The following PTPRM variants were observed in gnomAD, a reference collection of about 807,000 sequenced individuals.
PTPRM encodes protein tyrosine phosphatase receptor type M, also known as receptor-type tyrosine-protein phosphatase mu.
Under a neutral mutation model 186.7 loss-of-function variants are expected in PTPRM, and 47 were observed. That is an observed-to-expected ratio of 0.25 (90% CI 0.20 to 0.32). The LOEUF is 0.32. Ranked by LOEUF, PTPRM falls within the 10% of genes least tolerant of loss-of-function variation. The probability of loss-of-function intolerance (pLI) is 1.00; values close to 1 mark genes in which losing one functional copy is unlikely to be tolerated. For synonymous variants in PTPRM, 668 were observed against 674.9 expected, an observed-to-expected ratio of 0.99 and a Z score of 0.16; for missense variants, 1,494 against 1,865.0, an observed-to-expected ratio of 0.80 and a Z score of 3.66.
At chr18:8,355,600 C>A (rs953854646) in intron 23 of PTPRM, among the ~76,000 whole-genome samples, 1 of 152,120 alleles carries the variant, frequency 6.6e-6, no homozygotes, top group African/African-American at 2.4e-5. Flanking sequence ...ACTGCAGAGA[C>A]AGAGTGGATC....
chr18:8,064,497 C>G (rs1009868216), intron 7 of PTPRM, among the ~76,000 whole-genome samples: 2 of 151,958 alleles, frequency 1.3e-5, no homozygotes, highest in Non-Finnish European at 2.9e-5. Context: ...AGATTGTTTC[C>G]AAGGGCATTT....
chr18:7,677,674 C>G (rs189305779), intron 1 of PTPRM, among the ~76,000 whole-genome samples: 1 of 152,246 alleles, frequency 6.6e-6, no homozygotes, highest in African/African-American at 2.4e-5. Flanking sequence ...TGCAACTTCC[C>G]TCCTACTCAC....
rs182949352 is a variant in PTPRM at position 8,307,625 on chromosome 18, G to A, written c.2843-7156G>A. 5.4e-3 allele frequency among the ~76,000 whole-genome samples: 822 copies of A among 152,168 alleles called. 7 individuals carry two copies. The highest frequency in any genetic ancestry group is 0.019 in the African/African-American group (768 of 41,508). ...TTCAGACCAGCCTGGCCAACATGGT[G>A]AAACCCCGTCTCTACTGAAAATACA... On this transcript the variant is annotated intron_variant, in intron 20 of 32. Coordinates refer to ENST00000580170, the MANE Select transcript of PTPRM (RefSeq NM_001105244.2).
At position 8,172,702 on chromosome 18, in the gene PTPRM, A is replaced by G. The variant is rs541682034; in HGVS notation, c.2300+28923A>G. ...GAATGTTAATGTAAACACAAGAAAAAAAAAAAAGAAAAAAAAAACTTCTGC... is the reference window on the plus strand; with the variant it reads ...GAATGTTAATGTAAACACAAGAAAAGAAAAAAAGAAAAAAAAAACTTCTGC... On this transcript the variant is annotated intron_variant, in intron 14 of 32. Transcript: ENST00000580170. Among the ~76,000 whole-genome samples, 32 of 152,218 alleles carry G rather than the reference A, an allele frequency of 2.1e-4. No homozygotes were observed. The South Asian group carries it at 6.4e-3, about 31-fold the overall frequency.
intron 19 of PTPRM, among the ~76,000 whole-genome samples, chr18:8,271,784 T>C (rs1365628855): frequency 6.6e-6 from 1 of 152,186 alleles, no homozygotes; most frequent in Non-Finnish European, 1.5e-5. Flanking sequence ...TCTTAATATA[T>C]TCTTATCTTT....
chr18:7,614,349 A>T (rs2037751378), intron 1 of PTPRM, among the ~76,000 whole-genome samples: 3 of 152,206 alleles, frequency 2.0e-5, no homozygotes, highest in African/African-American at 7.2e-5. Context: ...ACTGAAAAAG[A>T]TGCTAGAAGT....
chr18:8,309,040 A>C (rs554074299), intron 20 of PTPRM, among the ~76,000 whole-genome samples: 1 of 152,322 alleles, frequency 6.6e-6, no homozygotes, highest in African/African-American at 2.4e-5. Context: ...GTTCATTTTC[A>C]TTACTAAATA....
intron 14 of PTPRM, among the ~76,000 whole-genome samples, chr18:8,157,078 A>G (rs2093136627): frequency 6.6e-6 from 1 of 152,080 alleles, no homozygotes; most frequent in Non-Finnish European, 1.5e-5. Context: ...TCCGTGGTGA[A>G]AGTGGAGACC....
chr18:7,829,067 T>C (rs1259725327), intron 2 of PTPRM, among the ~76,000 whole-genome samples: 7 of 152,192 alleles, frequency 4.6e-5, no homozygotes, highest in Non-Finnish European at 1.0e-4. Context: ...TATTTTGAAA[T>C]TGAAATGATT....
At chr18:8,139,373 C>T (rs2092710905) in intron 13 of PTPRM, among the ~76,000 whole-genome samples, 2 of 152,214 alleles carry the variant, frequency 1.3e-5, no homozygotes, top group African/African-American at 4.8e-5. Flanking sequence ...TACCTTCTCA[C>T]TCCAAGCCAT....
At chr18:7,729,388 G>T (rs1172863589) in intron 1 of PTPRM, among the ~76,000 whole-genome samples, 1 of 152,186 alleles carries the variant, frequency 6.6e-6, no homozygotes, top group Admixed American at 6.5e-5. Flanking sequence ...TGAAATAGAT[G>T]ATCTTCTCAA....
In PTPRM at chr18:8,239,951, G is replaced by T. The variant is rs533527919; in HGVS notation, c.2301-4107G>T. On this transcript the variant is annotated intron_variant, in intron 14 of 32. Transcript: ENST00000580170. The stretch of plus-strand genomic sequence containing the variant: ...TTAAAATATTTTCGGCAAACCATTT[G>T]TTGTAAATCAAAATGGAAAATAAAT... Among the ~76,000 whole-genome samples the T allele has an allele frequency of 9.2e-5, 14 of 152,288 alleles. No homozygotes were observed. The South Asian group carries it at 2.5e-3, about 27-fold the overall frequency.
chr18:8,395,472 TA>T (rs1384689929), intron 32 of PTPRM, among the ~76,000 whole-genome samples: 2 of 152,118 alleles, frequency 1.3e-5, no homozygotes, highest in Non-Finnish European at 2.9e-5. Flanking sequence ...TAAGAAGTCA[TA>T]ATAGCAGTGC....
At chr18:7,977,246 C>T (rs896253188) in intron 7 of PTPRM, among the ~76,000 whole-genome samples, 21 of 152,154 alleles carry the variant, frequency 1.4e-4, no homozygotes, top group African/African-American at 4.8e-4. Flanking sequence ...CCTGCCACCA[C>T]GCCCAGCTAA....
intron 7 of PTPRM, among the ~76,000 whole-genome samples, chr18:8,015,499 CTGGATAACACT>C (rs2084803113): frequency 6.6e-6 from 1 of 152,174 alleles, no homozygotes; most frequent in Admixed American, 6.5e-5. Context: ...GTTGCTAACT[CTGGATAACACT>C]TGGGGACTTG....
Position 7,710,999 on chromosome 18 carries a change from G to A in PTPRM, c.74-63150G>A, listed in dbSNP as rs548718459. Among the ~76,000 whole-genome samples the A allele has an allele frequency of 2.6e-5, 4 of 152,264 alleles. No individual in the cohort carries two copies. The South Asian group carries it at 8.3e-4, about 32-fold the overall frequency. On this transcript the variant is annotated intron_variant, in intron 1 of 32. Coordinates refer to ENST00000580170, the MANE Select transcript of PTPRM (RefSeq NM_001105244.2). The stretch of plus-strand genomic sequence containing the variant: ...AAAAGCAAGCTACAGAGTCAACTCA[G>A]TTCTCATCAAAATACTGATGTGGGT...
At chr18:7,882,367 G>A (rs2048554118) in intron 2 of PTPRM, among the ~76,000 whole-genome samples, 1 of 152,018 alleles carries the variant, frequency 6.6e-6, no homozygotes, top group African/African-American at 2.4e-5. Flanking sequence ...TTTGAGAAGT[G>A]CTGCTCTAGT....
Position 8,017,365 on chromosome 18 carries a change from A to G in PTPRM, c.1133-52321A>G, listed in dbSNP as rs12326539. Among the ~76,000 whole-genome samples the G allele has an allele frequency of 9.1e-4, 138 of 152,028 alleles. 1 individual carries two copies. Among genetic ancestry groups the G allele is most frequent in the Non-Finnish European group, 1.7e-3 (116 of 68,014 alleles). ...CAGCCTGACCAACATGGTGAAATAT[A>G]CAAAAATACAAAATTATACAAAAAA... is the stretch of plus-strand genomic sequence containing the variant. On this transcript the variant is annotated intron_variant, in intron 7 of 32. Coordinates refer to ENST00000580170, the MANE Select transcript of PTPRM (RefSeq NM_001105244.2).
At chr18:7,698,228 C>T (rs775523088) in intron 1 of PTPRM, among the ~76,000 whole-genome samples, 2 of 152,106 alleles carry the variant, frequency 1.3e-5, no homozygotes, top group African/African-American at 2.4e-5. Flanking sequence ...AAATTCTGCA[C>T]CAATACAGTG....
Sources: allele counts gnomAD v4.1 joint callset (sites outside exome capture counted in the v4.1 genomes callset), GRCh38; gene constraint gnomAD v4.1.1; transcripts MANE v1.5; gene names NCBI Gene and HGNC (gene_info 2026-07-23, HGNC 2026-07-21).